COX7B2: variants seen among roughly 807,000 people sequenced by gnomAD.
COX7B2 encodes cytochrome c oxidase subunit 7B2, mitochondrial.
For missense variants in COX7B2, 109 were observed against 95.9 expected, an observed-to-expected ratio of 1.14 and a Z score of -0.57; for synonymous variants, 37 against 32.1, an observed-to-expected ratio of 1.15 and a Z score of -0.51.
At chr4:46,832,299 C>T (rs371804876) in intron 2 of COX7B2, among the ~76,000 whole-genome samples, 75 of 152,230 alleles carry the variant, frequency 4.9e-4, no homozygotes, top group African/African-American at 1.7e-3. Context: ...CCGAACACAT[C>T]TGAACATCAG....
chr4:46,783,753 AG>A (rs1244950667), intron 2 of COX7B2, among the ~76,000 whole-genome samples: 4 of 152,244 alleles, frequency 2.6e-5, no homozygotes, highest in Non-Finnish European at 5.9e-5. Flanking sequence ...AGGGCAGGGC[AG>A]GAAAGGAAAG....
Position 46,803,732 on chromosome 4 carries a change from C to CTT in COX7B2, c.-50+41226_-50+41227dup, listed in dbSNP as rs5858039. On this transcript the variant is annotated intron_variant, in intron 2 of 2. Coordinates refer to ENST00000355591, the MANE Select transcript of COX7B2 (RefSeq NM_130902.3). ...GCTTAAATTAAGCCTGGTTTACTTT[C>CTT]TTTTTTTTTTTTTTTTTTTTAACAT... 4.7e-3 allele frequency among the ~76,000 whole-genome samples: 584 copies of CTT among 123,252 alleles called. 2 individuals carry two copies. Among genetic ancestry groups the CTT allele is most frequent in the African/African-American group, 0.017 (561 of 32,426 alleles). The allele number at this position is 123,252 out of a possible 152,430, so 80.9% of individuals were successfully genotyped here.
intron 1 of COX7B2, among the ~76,000 whole-genome samples, chr4:46,875,427 T>G (rs989963773): frequency 6.6e-6 from 1 of 152,186 alleles, no homozygotes; most frequent in Non-Finnish European, 1.5e-5. Flanking sequence ...TTCCATCTTT[T>G]CAATCCTTAA....
intron 2 of COX7B2, among the ~76,000 whole-genome samples, chr4:46,739,344 C>A (rs1424582697): frequency 6.9e-6 from 1 of 144,746 alleles, no homozygotes; most frequent in Non-Finnish European, 1.5e-5. Flanking sequence ...CAAACCAAAC[C>A]AAAACAAAAC....
chr4:46,841,015 T>C (rs1715891755), intron 2 of COX7B2, among the ~76,000 whole-genome samples: 1 of 152,020 alleles, frequency 6.6e-6, no homozygotes, highest in Non-Finnish European at 1.5e-5. Context: ...TTCTAGGATC[T>C]GTAATTTTGT....
At chr4:46,757,015 G>A (rs1426084695) in intron 2 of COX7B2, among the ~76,000 whole-genome samples, 3 of 152,020 alleles carry the variant, frequency 2.0e-5, no homozygotes, top group Admixed American at 1.3e-4. Context: ...ATTCACAATA[G>A]CAAAAATATG....
intron 2 of COX7B2, among the ~76,000 whole-genome samples, chr4:46,804,225 A>G (rs1181269345): frequency 3.9e-5 from 6 of 152,176 alleles, no homozygotes; most frequent in Non-Finnish European, 1.5e-5. Context: ...GTTACAGCTC[A>G]TAAAGGTAGT....
intron 2 of COX7B2, among the ~76,000 whole-genome samples, chr4:46,783,733 C>G (rs771320945): frequency 6.7e-6 from 1 of 150,350 alleles, no homozygotes; most frequent in Non-Finnish European, 1.5e-5. Flanking sequence ...CTAGCTTAAA[C>G]AAAAAGGGAA....
At chr4:46,850,279 G>T (rs906329498) in intron 1 of COX7B2, among the ~76,000 whole-genome samples, 4 of 151,620 alleles carry the variant, frequency 2.6e-5, no homozygotes, top group African/African-American at 9.7e-5. Flanking sequence ...TAAAAATAAT[G>T]ATTTAAAAAT....
chr4:46,819,929 A>G (rs1453733095), intron 2 of COX7B2, among the ~76,000 whole-genome samples: 1 of 152,220 alleles, frequency 6.6e-6, no homozygotes, highest in Non-Finnish European at 1.5e-5. Flanking sequence ...AATATGCCAG[A>G]TATTTCAATC....
At chr4:46,842,836 A>T (rs534304473) in intron 2 of COX7B2, among the ~76,000 whole-genome samples, 2 of 152,154 alleles carry the variant, frequency 1.3e-5, no homozygotes, top group South Asian at 4.1e-4. Context: ...AGTCTTTGCT[A>T]TTGTGAATAG....
chr4:46,908,679 T>C (rs955690466), intron 1 of COX7B2, among the ~76,000 whole-genome samples: 1 of 144,426 alleles, frequency 6.9e-6, no homozygotes, highest in Non-Finnish European at 1.5e-5. Flanking sequence ...GAGAGGAAGG[T>C]CCAAAATATA....
chr4:46,795,119 G>T (rs370640328), intron 2 of COX7B2, among the ~76,000 whole-genome samples: 7 of 136,578 alleles, frequency 5.1e-5, no homozygotes, highest in Non-Finnish European at 7.6e-5. Flanking sequence ...AGATGAGTAG[G>T]TTGCAAAAAT....
intron 1 of COX7B2, among the ~76,000 whole-genome samples, chr4:46,870,321 G>GA (rs915444965): frequency 4.4e-4 from 53 of 119,840 alleles, no homozygotes; most frequent in Admixed American, 2.7e-4. Flanking sequence ...ACTAGATATT[G>GA]AAAAAAAAAA....
rs113746709 is a variant in COX7B2 at position 46,747,549 on chromosome 4, G to A, written c.-49-12308C>T. Reference sequence around the variant, plus strand: ...GAACTCTTGACCTCGTGATCCACCCGCCTCAGTGTCCCAAAGTGCTGGGAT... The same window carrying A: ...GAACTCTTGACCTCGTGATCCACCCACCTCAGTGTCCCAAAGTGCTGGGAT... On this transcript the variant is annotated intron_variant, in intron 2 of 2. Transcript: ENST00000355591. Among the ~76,000 whole-genome samples, 466 of 152,060 alleles carry A rather than the reference G, an allele frequency of 3.1e-3. 4 individuals are homozygous for A. The highest frequency in any genetic ancestry group is 0.01 in the African/African-American group (434 of 41,478).
rs57884969 is a variant in COX7B2 at position 46,766,706 on chromosome 4, G to GAAA, written c.-49-31468_-49-31466dup. On this transcript the variant is annotated intron_variant, in intron 2 of 2. Transcript: ENST00000355591. The stretch of plus-strand genomic sequence containing the variant: ...ACAAAGAGAGACTCCGTCTCGAAAA[G>GAAA]AAAAAAAAAAAAAAAAAGAGTCAGG... Among the ~76,000 whole-genome samples the GAAA allele has an allele frequency of 9.3e-5, 9 of 96,590 alleles. 1 individual carries two copies. Among genetic ancestry groups the GAAA allele is most frequent in the Admixed American group, 2.1e-4 (2 of 9,708 alleles). 63.4% of individuals were successfully genotyped at this position (96,590 alleles called of 152,430 possible). A position where few individuals can be genotyped will look rare whatever the true frequency, so the allele number is the denominator to read the frequency against.
intron 1 of COX7B2, among the ~76,000 whole-genome samples, chr4:46,858,269 T>C (rs1039992951): frequency 6.6e-6 from 1 of 152,018 alleles, no homozygotes; most frequent in Non-Finnish European, 1.5e-5. Context: ...AATTTTTATA[T>C]TTTTAGTAGA....
intron 2 of COX7B2, among the ~76,000 whole-genome samples, chr4:46,777,829 T>A (rs1185413413): frequency 6.6e-6 from 1 of 152,096 alleles, no homozygotes; most frequent in Admixed American, 6.6e-5. Flanking sequence ...ATGCTTCAAT[T>A]TCCTCAAAAA....
intron 1 of COX7B2, among the ~76,000 whole-genome samples, chr4:46,908,748 A>AC (rs1455030882): frequency 4.0e-5 from 6 of 151,310 alleles, no homozygotes; most frequent in Non-Finnish European, 5.9e-5. Flanking sequence ...CAAAAAAAAA[A>AC]AAAAAAAATC....
Sources: gnomAD v4.1 joint callset for allele counts (sites outside exome capture counted in the v4.1 genomes callset) on GRCh38, gnomAD v4.1.1 for gene constraint, MANE v1.5 for transcripts, NCBI Gene and HGNC (gene_info 2026-07-23, HGNC 2026-07-21) for gene names.